The following STIM1 variants were observed in gnomAD, a reference collection of about 807,000 sequenced individuals.
STIM1 encodes stromal interaction molecule 1.
In STIM1, 25 loss-of-function variants were observed where a neutral mutation model predicts 74.7. The observed-to-expected ratio is 0.33, with a 90% CI of 0.24 to 0.47. STIM1 has a LOEUF of 0.47. STIM1 is among the 20% of genes least tolerant of loss of function. STIM1 has a pLI of 1.00. For missense variants in STIM1, 728 were observed against 920.8 expected (o/e 0.79, Z 2.71); for synonymous variants, 328 against 348.8 (o/e 0.94, Z 0.66).
At chr11:3,991,974 A>AAAAAAAAAAAAG (rs2093617399) in intron 2 of STIM1, among the ~76,000 whole-genome samples, 38 of 44,474 alleles carry the variant, frequency 8.5e-4, no homozygotes, top group Non-Finnish European at 1.3e-3. Flanking sequence ...AAAAAAAAAG[A>AAAAAAAAAAAAG]AAAAAAAAAA....
chr11:3,886,778 C>T (rs1041394857), intron 1 of STIM1, among the ~76,000 whole-genome samples: 7 of 147,984 alleles, frequency 4.7e-5, no homozygotes, highest in African/African-American at 7.6e-5. Flanking sequence ...CCGAGGCGGG[C>T]GGATTACGAG....
At chr11:4,054,496 C>T (rs1326060748) in intron 3 of STIM1, among the ~76,000 whole-genome samples, 1 of 152,176 alleles carries the variant, frequency 6.6e-6, no homozygotes, top group Non-Finnish European at 1.5e-5. Context: ...GTATTACTGC[C>T]TGAACTCCAC....
chr11:4,028,122 G>T (rs1467390828), intron 3 of STIM1, among the ~76,000 whole-genome samples: 4 of 150,300 alleles, frequency 2.7e-5, no homozygotes, highest in African/African-American at 1.0e-4. Context: ...TCACTCTGTA[G>T]CCCAGGCTGG....
At chr11:3,983,560 C>T (rs1332931731) in intron 2 of STIM1, among the ~76,000 whole-genome samples, 2 of 152,150 alleles carry the variant, frequency 1.3e-5, no homozygotes, top group Non-Finnish European at 1.5e-5. Context: ...ATACCAGGGG[C>T]CTGAATCAAT....
chr11:4,054,908 C>T (rs2094276332), intron 3 of STIM1, among the ~76,000 whole-genome samples: 1 of 152,162 alleles, frequency 6.6e-6, no homozygotes, highest in Non-Finnish European at 1.5e-5. Context: ...TATTTCCTTT[C>T]TTCTCTGTGC....
intron 2 of STIM1, among the ~76,000 whole-genome samples, chr11:3,975,452 A>C (rs1416021232): frequency 1.3e-5 from 2 of 152,210 alleles, no homozygotes; most frequent in Non-Finnish European, 2.9e-5. Flanking sequence ...CCCTCTCTGT[A>C]CTAAAAATAC....
intron 6 of STIM1, among the ~76,000 whole-genome samples, chr11:4,073,920 T>C (rs2094421544): frequency 9.9e-5 from 1 of 10,138 alleles, no homozygotes; most frequent in African/African-American, 1.1e-4. Context: ...CAATAGTTCC[T>C]CCTCATCTTC....
chr11:4,054,022 A>G (rs2094267493), intron 3 of STIM1, among the ~76,000 whole-genome samples: 1 of 152,244 alleles, frequency 6.6e-6, no homozygotes, highest in African/African-American at 2.4e-5. Context: ...GCTATTGGGC[A>G]CTTGAAGTGT....
chr11:4,059,744 A>G lies in STIM1; in HGVS notation c.613+348A>G, dbSNP rs117103812. Among the ~76,000 whole-genome samples the G allele has an allele frequency of 3.9e-3, 592 of 152,270 alleles. 2 individuals carry two copies. In the South Asian group the frequency reaches 0.042, roughly 11 times the overall value. On this transcript the variant is annotated intron_variant, in intron 5 of 12. Transcript: ENST00000526596. ...AGATGAGGGCTAGTGAAGGTATCCT[A>G]TAGACAAGGTGACATGTTACCTCTG...
At chr11:3,914,174 G>A (rs2135491932) in intron 1 of STIM1, among the ~76,000 whole-genome samples, 1 of 151,906 alleles carries the variant, frequency 6.6e-6, no homozygotes, top group African/African-American at 2.4e-5. Context: ...TCTACTTTTT[G>A]TCTTCGTGAA....
At chr11:3,946,888 T>A (rs2135640923) in intron 1 of STIM1, among the ~76,000 whole-genome samples, 1 of 152,310 alleles carries the variant, frequency 6.6e-6, no homozygotes, top group South Asian at 2.1e-4. Flanking sequence ...CATAGCCCTT[T>A]CCCTCTCTGT....
chr11:3,929,910 G>A (rs2092836911), intron 1 of STIM1, among the ~76,000 whole-genome samples: 2 of 152,146 alleles, frequency 1.3e-5, no homozygotes, highest in Non-Finnish European at 2.9e-5. Context: ...TTCTGGGAGA[G>A]CCTCAGCTCT....
intron 5 of STIM1, among the ~76,000 whole-genome samples, chr11:4,068,695 C>T (rs915789010): frequency 1.3e-5 from 2 of 152,154 alleles, no homozygotes; most frequent in Admixed American, 1.3e-4. Context: ...ACCACCCTGA[C>T]CTAGTGACCC....
intron 1 of STIM1, among the ~76,000 whole-genome samples, chr11:3,964,675 T>C (rs1349957238): frequency 2.0e-5 from 3 of 152,130 alleles, no homozygotes; most frequent in Admixed American, 1.3e-4. Context: ...TTACCTAGGA[T>C]ATGTGTGGAT....
chr11:4,059,424 G>A (rs1185222402), intron 5 of STIM1, 28 bp downstream of exon 5: 1 of 1,598,952 alleles, frequency 6.3e-7, no homozygotes, highest in Non-Finnish European at 8.6e-7. Context: ...AAGGGCTACT[G>A]CTGTGCCATG....
At chr11:4,067,406 TGTGTGG>T (rs1300323297) in intron 5 of STIM1, among the ~76,000 whole-genome samples, 9 of 152,074 alleles carry the variant, frequency 5.9e-5, no homozygotes, top group Non-Finnish European at 1.2e-4. Context: ...TCCAGGATAT[TGTGTGG>T]GGGAAAACTC....
At chr11:3,892,388 C>G (rs745454729) in intron 1 of STIM1, 5 of 1,414,490 alleles carry the variant, frequency 3.5e-6, no homozygotes, top group Admixed American at 1.7e-5. Flanking sequence ...ACAAGTCAAA[C>G]TTATTAAGAG....
At chr11:3,898,402 A>G in intron 1 of STIM1, among the ~76,000 whole-genome samples, 1 of 108,746 alleles carries the variant, frequency 9.2e-6, no homozygotes, top group Non-Finnish European at 1.8e-5. Flanking sequence ...TTCATTGTAG[A>G]TTCTGGATAT....
intron 3 of STIM1, among the ~76,000 whole-genome samples, chr11:4,043,748 G>A (rs911441432): frequency 1.5e-4 from 23 of 152,070 alleles, no homozygotes; most frequent in African/African-American, 5.1e-4. Flanking sequence ...TGGGCGTGGT[G>A]GCTCATGCTT....
Sources: allele counts gnomAD v4.1 joint callset (sites outside exome capture counted in the v4.1 genomes callset), GRCh38; gene constraint gnomAD v4.1.1; transcripts MANE v1.5; gene names NCBI Gene and HGNC (gene_info 2026-07-23, HGNC 2026-07-21).